Variants in CBFA2T2 observed in about 807,000 individuals in gnomAD.
The protein encoded by CBFA2T2 is CBFA2/RUNX1 partner transcriptional co-repressor 2.
In CBFA2T2, 11 loss-of-function variants were observed where a neutral mutation model predicts 62.2. That is an observed-to-expected ratio of 0.18 (90% CI 0.11 to 0.29). CBFA2T2 has a LOEUF of 0.29. CBFA2T2 is among the 10% of genes least tolerant of loss of function. The pLI is 1.00. For synonymous variants in CBFA2T2, 295 were observed against 287.5 expected (o/e 1.03, Z -0.27); for missense variants, 592 against 774.1 (o/e 0.76, Z 2.79).
intron 1 of CBFA2T2, among the ~76,000 whole-genome samples, chr20:33,538,629 G>A (rs1283658467): frequency 6.6e-6 from 1 of 152,174 alleles, no homozygotes; most frequent in East Asian, 1.9e-4. Flanking sequence ...GCCTCCCAAA[G>A]TGCTGGGATT....
rs192968760 is a variant in CBFA2T2, at chr20:33,586,636, A to G, written c.35-20320A>G. ...TAGATAAAAATTTTAAGATTGCTTC[A>G]AAGTCAAGAGATTCTATATAATCAA... On this transcript the variant is annotated intron_variant, in intron 1 of 10. Transcript: ENST00000342704. Among the ~76,000 whole-genome samples the G allele has an allele frequency of 1.8e-4, 28 of 152,316 alleles. 1 individual carries two copies. In the East Asian group the frequency reaches 4.6e-3, roughly 25 times the overall value.
chr20:33,497,830 G>A (rs148038562), intron 1 of CBFA2T2, among the ~76,000 whole-genome samples: 211 of 151,306 alleles, frequency 1.4e-3, no homozygotes, highest in African/African-American at 4.9e-3. Flanking sequence ...TTACAGGCGT[G>A]AGCCACCACA....
intron 1 of CBFA2T2, among the ~76,000 whole-genome samples, chr20:33,561,383 C>A (rs966029386): frequency 6.6e-6 from 1 of 152,088 alleles, no homozygotes; most frequent in Non-Finnish European, 1.5e-5. Flanking sequence ...CTACCACCAC[C>A]CACAATCTTT....
chr20:33,551,185 A>C (rs1298991385), intron 1 of CBFA2T2, among the ~76,000 whole-genome samples: 1 of 151,848 alleles, frequency 6.6e-6, no homozygotes, highest in Non-Finnish European at 1.5e-5. Flanking sequence ...TTATTCCAGC[A>C]AGTGAAATTT....
intron 10 of CBFA2T2, among the ~76,000 whole-genome samples, chr20:33,644,060 G>A (rs1167948614): frequency 2.6e-5 from 4 of 151,666 alleles, no homozygotes; most frequent in Non-Finnish European, 5.9e-5. Context: ...ATGGCCACCT[G>A]CCCTAGGCTG....
chr20:33,548,891 G>A (rs575155974), intron 1 of CBFA2T2, among the ~76,000 whole-genome samples: 16 of 152,276 alleles, frequency 1.1e-4, no homozygotes, highest in African/African-American at 3.9e-4. Flanking sequence ...ATAAGTTTGA[G>A]GTTGCAGTGA....
intron 1 of CBFA2T2, among the ~76,000 whole-genome samples, chr20:33,582,904 T>C (rs986352272): frequency 6.6e-6 from 1 of 151,518 alleles, no homozygotes; most frequent in African/African-American, 2.4e-5. Context: ...ATCGCACCAC[T>C]GCACTCCAGC....
At chr20:33,571,325 C>T (rs557565945) in intron 1 of CBFA2T2, among the ~76,000 whole-genome samples, 16 of 152,222 alleles carry the variant, frequency 1.1e-4, no homozygotes, top group South Asian at 2.1e-4. Flanking sequence ...ACATTTTGTA[C>T]GCACAAATCA....
chr20:33,625,046 C>A, intron 6 of CBFA2T2, 29 bp downstream of exon 6: 1 of 1,592,520 alleles, frequency 6.3e-7, no homozygotes, highest in Non-Finnish European at 8.6e-7. Context: ...ATGGTAAATT[C>A]AGACTGGATT....
At chr20:33,624,318 T>G (rs930764327) in intron 5 of CBFA2T2, among the ~76,000 whole-genome samples, 2 of 150,686 alleles carry the variant, frequency 1.3e-5, no homozygotes, top group Non-Finnish European at 2.9e-5. Context: ...TTGGACCCAC[T>G]GTTAATTTGA....
chr20:33,530,031 C>T (rs1336322983), intron 1 of CBFA2T2, among the ~76,000 whole-genome samples: 5 of 151,960 alleles, frequency 3.3e-5, no homozygotes, highest in South Asian at 2.1e-4. Context: ...AGGTGATCCA[C>T]CTGCCTCGGC....
Position 33,647,336 on chromosome 20 carries a change from G to A in CBFA2T2, c.*2690G>A, listed in dbSNP as rs1338507727. The stretch of plus-strand genomic sequence containing the variant: ...TTTCTCTCTTGTCTCCCAGGCTGGA[G>A]TGCAATCGCGCAATCTCGGCTCACG... On this transcript the variant is annotated 3_prime_UTR_variant, in exon 11 of 11. Coordinates refer to ENST00000342704, the MANE Select transcript of CBFA2T2 (RefSeq NM_001032999.3). The A allele has an allele frequency of 6.6e-6, 1 of 152,262 alleles. No individual in the cohort carries two copies. The highest frequency in any genetic ancestry group is 1.5e-5 in the Non-Finnish European group (1 of 68,078). 9.4% of individuals were successfully genotyped at this position (152,262 alleles called of 1,614,324 possible).
chr20:33,603,671 A>G (rs1327710008), intron 1 of CBFA2T2, among the ~76,000 whole-genome samples: 1 of 152,166 alleles, frequency 6.6e-6, no homozygotes, highest in African/African-American at 2.4e-5. Context: ...TATGCTAAGC[A>G]ATGGTGTTTA....
intron 1 of CBFA2T2, among the ~76,000 whole-genome samples, chr20:33,507,620 C>A (rs112078033): frequency 2.0e-5 from 3 of 152,146 alleles, no homozygotes; most frequent in Non-Finnish European, 2.9e-5. Flanking sequence ...TGGACCCTTT[C>A]GATACATTCC....
intron 1 of CBFA2T2, chr20:33,574,123 A>G: frequency 6.4e-7 from 1 of 1,571,664 alleles, no homozygotes; most frequent in Non-Finnish European, 8.7e-7. Context: ...TGAGGATGGT[A>G]GTTTTTGTGG....
intron 6 of CBFA2T2, among the ~76,000 whole-genome samples, chr20:33,625,825 GGGCGTGGT>G (rs1209220195): frequency 6.6e-6 from 1 of 151,400 alleles, no homozygotes; most frequent in African/African-American, 2.4e-5. Flanking sequence ...AGGAGGGGCT[GGGCGTGGT>G]GGCTCACGCC....
chr20:33,509,072 A>T lies in CBFA2T2; in HGVS notation c.34+18771A>T, dbSNP rs190583224. ...TAATTCATGCCAGTTAAATATTACA[A>T]TATGTCAGACTTGGCTGGGTGTGGT... On this transcript the variant is annotated intron_variant, in intron 1 of 10. Transcript: ENST00000342704. 1.1e-4 allele frequency among the ~76,000 whole-genome samples: 17 copies of T among 152,346 alleles called. No individual in the cohort carries two copies. In the East Asian group the frequency reaches 3.1e-3, roughly 28 times the overall value.
At chr20:33,571,934 A>G (rs1326119688) in intron 1 of CBFA2T2, among the ~76,000 whole-genome samples, 1 of 152,198 alleles carries the variant, frequency 6.6e-6, no homozygotes. Flanking sequence ...TCTGTCGCCC[A>G]GGCTGGAGTG....
chr20:33,593,863 A>G (rs1011963222), intron 1 of CBFA2T2, among the ~76,000 whole-genome samples: 4 of 152,192 alleles, frequency 2.6e-5, no homozygotes, highest in Admixed American at 2.6e-4. Flanking sequence ...CTGTCCACAC[A>G]TATCCCAAAG....
Sources: gnomAD v4.1 joint callset for allele counts (sites outside exome capture counted in the v4.1 genomes callset) on GRCh38, gnomAD v4.1.1 for gene constraint, MANE v1.5 for transcripts, NCBI Gene and HGNC (gene_info 2026-07-23, HGNC 2026-07-21) for gene names.